Variants in JPH1 observed in about 807,000 individuals in gnomAD.
JPH1 encodes junctophilin 1, also known as junctophilin-1.
In JPH1, 12 loss-of-function variants were observed where a neutral mutation model predicts 53.6. That is an observed-to-expected ratio of 0.22 (90% CI 0.14 to 0.36). The LOEUF (loss-of-function observed/expected upper bound fraction) is 0.36. Among genes scored for constraint, JPH1 ranks in the 10% least tolerant of loss-of-function variants. The probability of loss-of-function intolerance (pLI) is 1.00; values close to 1 mark genes in which losing one functional copy is unlikely to be tolerated. For synonymous variants in JPH1, 375 were observed against 363.8 expected, an observed-to-expected ratio of 1.03 and a Z score of -0.35; for missense variants, 808 against 905.5, an observed-to-expected ratio of 0.89 and a Z score of 1.38.
intron 2 of JPH1, among the ~76,000 whole-genome samples, chr8:74,305,916 C>A (rs986413875): frequency 1.3e-5 from 2 of 152,176 alleles, no homozygotes; most frequent in African/African-American, 4.8e-5. Flanking sequence ...CTTGAACCTA[C>A]TTGTTAGTCA....
At chr8:74,305,837 A>C (rs1807815910) in intron 2 of JPH1, among the ~76,000 whole-genome samples, 1 of 152,218 alleles carries the variant, frequency 6.6e-6, no homozygotes, top group African/African-American at 2.4e-5. Flanking sequence ...ATGGCTTGAA[A>C]GTCTGGAGAA....
intron 2 of JPH1, among the ~76,000 whole-genome samples, chr8:74,292,254 A>G (rs1807351067): frequency 6.6e-6 from 1 of 152,258 alleles, no homozygotes; most frequent in African/African-American, 2.4e-5. Flanking sequence ...TCCACCTTGT[A>G]TCACAGTGAT....
At chr8:74,290,259 CCTT>C (rs1390516872) in intron 2 of JPH1, among the ~76,000 whole-genome samples, 1 of 152,144 alleles carries the variant, frequency 6.6e-6, no homozygotes, top group African/African-American at 2.4e-5. Context: ...CCCAAAATCT[CCTT>C]AAGCTGATAA....
At chr8:74,302,238 C>G (rs1025443027) in intron 2 of JPH1, among the ~76,000 whole-genome samples, 4 of 152,198 alleles carry the variant, frequency 2.6e-5, no homozygotes, top group Non-Finnish European at 5.9e-5. Flanking sequence ...GCAGCATCTA[C>G]ATTGTTTCCT....
intron 2 of JPH1, among the ~76,000 whole-genome samples, chr8:74,271,329 G>A (rs947648042): frequency 4.6e-5 from 7 of 150,542 alleles, no homozygotes; most frequent in Middle Eastern, 3.2e-3. Context: ...CTGCTTCGCC[G>A]CTATCTGACA....
intron 4 of JPH1, among the ~76,000 whole-genome samples, chr8:74,239,506 T>C (rs545918811): frequency 6.6e-6 from 1 of 152,330 alleles, no homozygotes; most frequent in South Asian, 2.1e-4. Flanking sequence ...AATTCTAAAT[T>C]GATAGGAGAG....
chr8:74,272,230 C>T (rs192920618), intron 2 of JPH1, among the ~76,000 whole-genome samples: 66 of 147,096 alleles, frequency 4.5e-4, no homozygotes, highest in African/African-American at 1.6e-3. Context: ...TCCAACAAAA[C>T]CTCAACATAC....
chr8:74,275,924 T>C (rs977119679), intron 2 of JPH1, among the ~76,000 whole-genome samples: 22 of 152,238 alleles, frequency 1.4e-4, no homozygotes, highest in African/African-American at 5.1e-4. Context: ...ACAATCTAAG[T>C]GGTTATTATT....
At chr8:74,301,286 T>C (rs1280092579) in intron 2 of JPH1, among the ~76,000 whole-genome samples, 2 of 152,184 alleles carry the variant, frequency 1.3e-5, no homozygotes, top group Non-Finnish European at 2.9e-5. Flanking sequence ...CCTTCTCAAA[T>C]GCCTTTGAAG....
chr8:74,235,424 C>T lies in JPH1; in HGVS notation c.*1627G>A, dbSNP rs575630728. On this transcript the variant is annotated 3_prime_UTR_variant, in exon 6 of 6. Transcript: ENST00000342232. ...TTACTACCCTGCAGGTGACAAAGCA[C>T]TCAGTCCACATCTGTGCTAACCAGG... The T allele has an allele frequency of 6.6e-6, 1 of 152,528 alleles. No homozygotes were observed. Among genetic ancestry groups the T allele is most frequent in the East Asian group, 1.9e-4 (1 of 5,176 alleles). 9.4% of individuals were successfully genotyped at this position (152,528 alleles called of 1,614,324 possible). A position where few individuals can be genotyped will look rare whatever the true frequency, so the allele number is the denominator to read the frequency against.
intron 3 of JPH1, among the ~76,000 whole-genome samples, chr8:74,251,948 A>G (rs1473276947): frequency 1.3e-5 from 2 of 152,218 alleles, no homozygotes; most frequent in South Asian, 2.1e-4. Flanking sequence ...TAACCAAAAC[A>G]GCATGGTACT....
chr8:74,311,336 A>C (rs984790150), intron 2 of JPH1, among the ~76,000 whole-genome samples: 4 of 152,168 alleles, frequency 2.6e-5, no homozygotes. Flanking sequence ...CAGTAGTTTT[A>C]CAAACAAAAA....
chr8:74,292,325 T>C (rs1167743029), intron 2 of JPH1, among the ~76,000 whole-genome samples: 1 of 152,188 alleles, frequency 6.6e-6, no homozygotes. Flanking sequence ...CCATGCTCAC[T>C]TGGAACCCCC....
chr8:74,273,064 T>C (rs1235523929), intron 2 of JPH1, among the ~76,000 whole-genome samples: 1 of 152,212 alleles, frequency 6.6e-6, no homozygotes, highest in Non-Finnish European at 1.5e-5. Flanking sequence ...TCTCTAAACA[T>C]AATGGAAAGA....
chr8:74,302,795 T>C (rs919623724), intron 2 of JPH1, among the ~76,000 whole-genome samples: 11 of 152,144 alleles, frequency 7.2e-5, no homozygotes, highest in African/African-American at 2.2e-4. Flanking sequence ...TGGTAGGGTA[T>C]TTGCTTTTAA....
In JPH1 at chr8:74,321,403, G is replaced by C. The variant is rs1360531359; in HGVS notation, c.-116C>G. Reference sequence around the variant, plus strand: ...CGGGCGAGCTCACGACAGCGCCCTGGGCAGCTCGCGCTGCCGCTCGGCTCC... The same window carrying C: ...CGGGCGAGCTCACGACAGCGCCCTGCGCAGCTCGCGCTGCCGCTCGGCTCC... On this transcript the variant is annotated 5_prime_UTR_variant, in exon 1 of 6. Coordinates refer to ENST00000342232, the MANE Select transcript of JPH1 (RefSeq NM_020647.4). This position sits in a 1 kb window ranked among gnomAD's most constrained non-coding sequence, Gnocchi z 4.3. 1 of 1,035,190 alleles carries C rather than the reference G, an allele frequency of 9.7e-7. No homozygotes were observed. The highest frequency in any genetic ancestry group is 1.3e-6 in the Non-Finnish European group (1 of 774,392). The allele number at this position is 1,035,190 out of a possible 1,614,324, so 64.1% of individuals were successfully genotyped here. A position where few individuals can be genotyped will look rare whatever the true frequency, so the allele number is the denominator to read the frequency against.
At position 74,315,453 on chromosome 8, in the gene JPH1, C is replaced by T. The variant is rs775236412; in HGVS notation, c.547G>A (p.Ala183Thr). ...CCGCGGGTGCCGGCCGGGCTGTCGG[C>T]GGCGGCTGCGGCGTCGTGGAGCACG... ...GSVLHDAAAA[A>T]DSPAGTRGGF... Residue 183 changes from alanine to threonine, a missense_variant, in exon 2 of 6, where the codon GCC (alanine) becomes ACC (threonine). Around this residue, in one of 2 missense-constraint regions of JPH1, gnomAD observed 756 missense variants for 811.9 expected, o/e 0.93. Transcript: ENST00000342232. This position sits in a 1 kb window ranked among gnomAD's most constrained non-coding sequence, Gnocchi z 6.3. 59 of 1,608,446 alleles carry T rather than the reference C, an allele frequency of 3.7e-5. 1 individual carries two copies. The South Asian group carries it at 6.3e-4, about 17-fold the overall frequency.
At position 74,264,773 on chromosome 8, in the gene JPH1, T is replaced by C. The variant is rs72663655; in HGVS notation, c.1140-5270A>G. Among the ~76,000 whole-genome samples, 780 of 152,290 alleles carry C rather than the reference T, an allele frequency of 5.1e-3. 4 individuals carry two copies. Among genetic ancestry groups the C allele is most frequent in the Non-Finnish European group, 8.9e-3 (605 of 68,002 alleles). On this transcript the variant is annotated intron_variant, in intron 2 of 5. Coordinates refer to ENST00000342232, the MANE Select transcript of JPH1 (RefSeq NM_020647.4). ...CGTAGGGAGAGGAGAGGAGCCAAGA[T>C]TCACACGAAGAATGTTCACATGCCT...
chr8:74,240,496 A>G (rs899934055), intron 4 of JPH1, among the ~76,000 whole-genome samples: 6 of 152,228 alleles, frequency 3.9e-5, no homozygotes, highest in African/African-American at 1.4e-4. Flanking sequence ...CCACAAATAA[A>G]TGAGAACATG....
Sources: gnomAD v4.1 joint callset for allele counts (sites outside exome capture counted in the v4.1 genomes callset) on GRCh38, gnomAD v4.1.1 for gene constraint, gnomAD v4.1.1 regional missense constraint, Gnocchi (gnomAD v3.1) non-coding constraint, MANE v1.5 for transcripts, NCBI Gene and HGNC (gene_info 2026-07-23, HGNC 2026-07-21) for gene names.